The following STRN3 variants were observed in gnomAD, a reference collection of about 807,000 sequenced individuals.
STRN3 encodes the protein striatin-3.
A neutral mutation model predicts 95.6 loss-of-function variants in STRN3; 29 were observed. The observed-to-expected ratio is 0.30, with a 90% CI of 0.23 to 0.41. STRN3 has a LOEUF of 0.41. STRN3 is among the 10% of genes least tolerant of loss of function. The pLI, the probability that STRN3 is intolerant of heterozygous loss-of-function variation, is 1.00. For missense variants in STRN3, 890 were observed against 972.1 expected (o/e 0.92, Z 1.12); for synonymous variants, 331 against 357.6 (o/e 0.93, Z 0.84).
intron 1 of STRN3, among the ~76,000 whole-genome samples, chr14:30,993,242 G>A (rs376073982): frequency 7.8e-6 from 1 of 128,796 alleles, no homozygotes; most frequent in South Asian, 2.6e-4. Context: ...GTGACAAAGT[G>A]AGACACTGTC....
chr14:30,911,880 C>T (rs1440513446), intron 11 of STRN3, 56 bp from the exon 12 acceptor site: 1 of 1,570,152 alleles, frequency 6.4e-7, no homozygotes, highest in African/African-American at 1.4e-5. Context: ...AACTATGAAT[C>T]ACTGGTTGAT....
At chr14:30,918,440 C>A (rs935207357) in intron 9 of STRN3, among the ~76,000 whole-genome samples, 1 of 151,174 alleles carries the variant, frequency 6.6e-6, no homozygotes, top group East Asian at 1.9e-4. Context: ...CCCCAGGAGG[C>A]GGAGGTTGCA....
At chr14:30,990,166 C>T (rs781220111) in intron 1 of STRN3, among the ~76,000 whole-genome samples, 50 of 142,968 alleles carry the variant, frequency 3.5e-4, no homozygotes, top group Non-Finnish European at 6.5e-4. Flanking sequence ...GGCACTATGA[C>T]TTTTTTTTTT....
intron 1 of STRN3, among the ~76,000 whole-genome samples, chr14:30,988,535 C>G (rs1221309028): frequency 6.6e-6 from 1 of 152,094 alleles, no homozygotes; most frequent in Non-Finnish European, 1.5e-5. Flanking sequence ...GGAGATGAAA[C>G]AGCAAAACTT....
At chr14:30,933,280 TAAA>T (rs35736582) in intron 7 of STRN3, among the ~76,000 whole-genome samples, 3 of 22,776 alleles carry the variant, frequency 1.3e-4, no homozygotes, top group Non-Finnish European at 2.5e-4. Flanking sequence ...CCCTGTTTCA[TAAA>T]AAAAAAAAAA....
At chr14:30,945,498 G>A (rs1340418350) in intron 5 of STRN3, among the ~76,000 whole-genome samples, 2 of 152,028 alleles carry the variant, frequency 1.3e-5, no homozygotes, top group African/African-American at 4.8e-5. Context: ...CCAGCTACTC[G>A]GGAGGCTGAG....
chr14:30,933,230 G>A (rs1383788168), intron 7 of STRN3, among the ~76,000 whole-genome samples: 2 of 124,254 alleles, frequency 1.6e-5, no homozygotes, highest in Middle Eastern at 6.0e-3. Context: ...AGACAGCCAA[G>A]ATTGCACCAC....
intron 8 of STRN3, among the ~76,000 whole-genome samples, chr14:30,919,855 A>G (rs1427187303): frequency 2.0e-5 from 3 of 152,158 alleles, no homozygotes; most frequent in Non-Finnish European, 4.4e-5. Flanking sequence ...CTTCTGTACC[A>G]TTGTGGAATA....
chr14:31,022,272 G>A (rs951818897), intron 1 of STRN3, among the ~76,000 whole-genome samples: 2 of 151,676 alleles, frequency 1.3e-5, no homozygotes, highest in Non-Finnish European at 2.9e-5. Flanking sequence ...CCCAGCTACT[G>A]GGGAGGCTGA....
At chr14:30,958,593 T>C (rs1052573960) in intron 1 of STRN3, among the ~76,000 whole-genome samples, 5 of 152,210 alleles carry the variant, frequency 3.3e-5, no homozygotes, top group African/African-American at 1.2e-4. Context: ...GCCCATACTA[T>C]AGAACCATTA....
chr14:30,907,488 C>G (rs73256099), intron 13 of STRN3, among the ~76,000 whole-genome samples: 9,980 of 152,200 alleles, frequency 0.066, 508 homozygotes, highest in East Asian at 0.21. Flanking sequence ...CAAGTCTAGG[C>G]AACAACTAAT....
At chr14:31,013,863 TTTATTATTATTA>T (rs548417882) in intron 1 of STRN3, among the ~76,000 whole-genome samples, 8,290 of 80,710 alleles carry the variant, frequency 0.1, 346 homozygotes, top group South Asian at 0.2. Context: ...TCAAAGCAAT[TTTATTATTATTA>T]TTATTATTAT....
In STRN3 at chr14:30,960,115, G is replaced by T. The variant is rs938826016; in HGVS notation, c.283-3873C>A. Among the ~76,000 whole-genome samples the T allele has an allele frequency of 9.2e-5, 14 of 152,034 alleles. No homozygotes were observed. The South Asian group carries it at 1.7e-3, about 18-fold the overall frequency. On this transcript the variant is annotated intron_variant, in intron 1 of 17. Transcript: ENST00000357479. ...TCATGCCTATAATCCTAGCACTCTG[G>T]GAGGCTGAGGAGGGTGGATTGCTTG...
intron 1 of STRN3, among the ~76,000 whole-genome samples, chr14:30,959,839 T>C (rs927411974): frequency 1.3e-5 from 2 of 151,844 alleles, no homozygotes; most frequent in Non-Finnish European, 2.9e-5. Context: ...CCACCAAAGA[T>C]GGGCAAGAGC....
At position 30,936,562 on chromosome 14, in the gene STRN3, T is replaced by C; in HGVS notation, c.779A>G (p.Asp260Gly). ...GCCTTCGATCATGTCATTTTCCTCA[T>C]CTTCATCACTGTCATCGGCATTTTC... Reference protein sequence around the residue: ...FLENADDSDEDEENDMIEGIP... With the variant: ...FLENADDSDEGEENDMIEGIP... Residue 260 changes from aspartate to glycine, a missense_variant, in exon 6 of 18, where the codon GAT (aspartate) becomes GGT (glycine). This residue lies in a region of STRN3 where 526 missense variants were observed against 526.3 expected (regional missense o/e 1.00). Coordinates refer to ENST00000357479, the MANE Select transcript of STRN3 (RefSeq NM_001083893.2). 6.2e-7 allele frequency: 1 copy of C among 1,613,908 alleles called. No homozygotes were observed. The highest frequency in any genetic ancestry group is 2.2e-5 in the East Asian group (1 of 44,826).
At chr14:31,007,622 G>A (rs1882776764) in intron 1 of STRN3, among the ~76,000 whole-genome samples, 1 of 152,130 alleles carries the variant, frequency 6.6e-6, no homozygotes, top group African/African-American at 2.4e-5. Flanking sequence ...TTGTCAGATG[G>A]TCAGGTGCAG....
chr14:30,993,502 A>T (rs1269660248), intron 1 of STRN3, among the ~76,000 whole-genome samples: 1 of 152,240 alleles, frequency 6.6e-6, no homozygotes, highest in African/African-American at 2.4e-5. Flanking sequence ...ATATAACATG[A>T]GAAATGGAGT....
intron 1 of STRN3, among the ~76,000 whole-genome samples, chr14:31,008,405 G>A (rs757680487): frequency 4.1e-4 from 62 of 152,094 alleles, no homozygotes; most frequent in Admixed American, 1.1e-3. Flanking sequence ...CTGCTCGGGA[G>A]GCTGAGGTGG....
intron 1 of STRN3, among the ~76,000 whole-genome samples, chr14:30,960,312 C>T (rs1278999608): frequency 1.3e-5 from 2 of 152,012 alleles, no homozygotes; most frequent in East Asian, 1.9e-4. Context: ...CACTCCAACC[C>T]GGGCAACAGA....
Sources: gnomAD v4.1 joint callset for allele counts (sites outside exome capture counted in the v4.1 genomes callset) on GRCh38, gnomAD v4.1.1 for gene constraint, gnomAD v4.1.1 regional missense constraint, MANE v1.5 for transcripts, NCBI Gene and HGNC (gene_info 2026-07-23, HGNC 2026-07-21) for gene names.